CNTN4: variants seen among roughly 807,000 people sequenced by gnomAD.
CNTN4 encodes the protein contactin-4.
A neutral mutation model predicts 122.5 loss-of-function variants in CNTN4; 77 were observed. The observed-to-expected ratio is 0.63, with a 90% CI of 0.52 to 0.76. The LOEUF (loss-of-function observed/expected upper bound fraction) is 0.76. Among genes scored for constraint, CNTN4 ranks in the 30% least tolerant of loss-of-function variants. The pLI is 0.00. For synonymous variants in CNTN4, 512 were observed against 447.0 expected, an observed-to-expected ratio of 1.15 and a Z score of -1.83; for missense variants, 1,256 against 1,259.1, an observed-to-expected ratio of 1.00 and a Z score of 0.04.
chr3:2,709,662 G>A lies in CNTN4; in HGVS notation c.56-26553G>A, dbSNP rs2600293. 7.9e-5 allele frequency among the ~76,000 whole-genome samples: 12 copies of A among 152,060 alleles called. No individual in the cohort carries two copies. Among genetic ancestry groups the A allele is most frequent in the South Asian group, 2.1e-4 (1 of 4,828 alleles). On this transcript the variant is annotated intron_variant, in intron 4 of 24. Coordinates refer to ENST00000418658, the MANE Select transcript of CNTN4 (RefSeq NM_175607.3). The surrounding 1 kb of genome is among the most constrained non-coding windows in gnomAD (Gnocchi z 5.0). ...GGTGCGGTGGCTCTCACCTGTAACC[G>A]CAGCACTTTGGGAGGCTGAGGCAGG...
chr3:2,499,245 A>T (rs2076532233), intron 3 of CNTN4, among the ~76,000 whole-genome samples: 1 of 152,158 alleles, frequency 6.6e-6, no homozygotes. Context: ...GTTGATATTC[A>T]TTTGTCTCTG....
At chr3:2,858,820 CA>C (rs2093643938) in intron 7 of CNTN4, among the ~76,000 whole-genome samples, 1 of 152,086 alleles carries the variant, frequency 6.6e-6, no homozygotes, top group Non-Finnish European at 1.5e-5. Context: ...ATATTTATGG[CA>C]TACAACATTT....
intron 3 of CNTN4, among the ~76,000 whole-genome samples, chr3:2,515,990 A>G (rs2077029388): frequency 6.6e-6 from 1 of 152,122 alleles, no homozygotes; most frequent in South Asian, 2.1e-4. Flanking sequence ...ATTTGATGAC[A>G]GTAATAGCTT....
chr3:2,566,506 G>T lies in CNTN4; in HGVS notation c.-88-4910G>T, dbSNP rs138819343. Among the ~76,000 whole-genome samples the T allele has an allele frequency of 2.0e-4, 30 of 152,302 alleles. No individual in the cohort carries two copies. The East Asian group carries it at 5.6e-3, about 28-fold the overall frequency. ...TCATTTACATACTAGCTGTTGATTG[G>T]CTGCCTGCTCTGGTGGTTCACTATT... is the stretch of plus-strand genomic sequence containing the variant. On this transcript the variant is annotated intron_variant, in intron 3 of 24. Coordinates refer to ENST00000418658, the MANE Select transcript of CNTN4 (RefSeq NM_175607.3).
intron 4 of CNTN4, among the ~76,000 whole-genome samples, chr3:2,579,979 A>G (rs2079862104): frequency 6.6e-6 from 1 of 152,066 alleles, no homozygotes. Context: ...TATCTATACA[A>G]TGGTGTTACA....
chr3:2,752,056 A>G (rs1035640515), intron 6 of CNTN4, among the ~76,000 whole-genome samples: 1 of 152,228 alleles, frequency 6.6e-6, no homozygotes, highest in Non-Finnish European at 1.5e-5. Flanking sequence ...CATTTCCAAC[A>G]TAGGAAAGTT....
chr3:2,121,953 C>G (rs1574874645), intron 2 of CNTN4, among the ~76,000 whole-genome samples: 1 of 151,938 alleles, frequency 6.6e-6, no homozygotes, highest in Admixed American at 6.6e-5. Flanking sequence ...ATCACGAGGT[C>G]AGGAGATCGA....
chr3:2,787,658 A>G (rs890519308), intron 6 of CNTN4, among the ~76,000 whole-genome samples: 1 of 152,166 alleles, frequency 6.6e-6, no homozygotes. Context: ...CAGTCACGTT[A>G]TTTAACTTCT....
chr3:2,791,683 C>G (rs953000455), intron 6 of CNTN4, among the ~76,000 whole-genome samples: 2 of 152,146 alleles, frequency 1.3e-5, no homozygotes, highest in Non-Finnish European at 2.9e-5. Context: ...TGACTTGAAA[C>G]AAAAGAAATG....
chr3:2,214,220 G>A (rs1031680702), intron 2 of CNTN4, among the ~76,000 whole-genome samples: 7 of 152,116 alleles, frequency 4.6e-5, no homozygotes, highest in African/African-American at 1.7e-4. Context: ...ATCTGGTTCA[G>A]TGGTAGCTTA....
At chr3:2,462,154 A>G (rs1247946819) in intron 3 of CNTN4, among the ~76,000 whole-genome samples, 3 of 152,122 alleles carry the variant, frequency 2.0e-5, no homozygotes, top group Admixed American at 1.3e-4. Flanking sequence ...CCACCTTTCT[A>G]TGGTTATAAC....
At chr3:2,896,697 A>G (rs1341631964) in intron 10 of CNTN4, among the ~76,000 whole-genome samples, 1 of 152,196 alleles carries the variant, frequency 6.6e-6, no homozygotes. Context: ...TGTCAATTGC[A>G]TAAGAATCCC....
At chr3:2,517,582 C>T (rs974138215) in intron 3 of CNTN4, among the ~76,000 whole-genome samples, 1 of 152,174 alleles carries the variant, frequency 6.6e-6, no homozygotes, top group Non-Finnish European at 1.5e-5. Flanking sequence ...CCTTTCACTT[C>T]ACTTTTCCTT....
intron 13 of CNTN4, chr3:2,985,567 A>T (rs892649337): frequency 3.9e-5 from 6 of 152,330 alleles, no homozygotes; most frequent in African/African-American, 1.4e-4. Context: ...TTACCACCTC[A>T]CTGGCCATGG....
intron 3 of CNTN4, among the ~76,000 whole-genome samples, chr3:2,482,316 T>G (rs948110519): frequency 1.3e-5 from 2 of 152,138 alleles, no homozygotes; most frequent in African/African-American, 4.8e-5. Context: ...TGTGGAACTT[T>G]GAACTTTAGA....
At chr3:2,254,053 C>G (rs552840617) in intron 2 of CNTN4, among the ~76,000 whole-genome samples, 2 of 149,116 alleles carry the variant, frequency 1.3e-5, no homozygotes, top group Non-Finnish European at 3.0e-5. Flanking sequence ...CCCCACCCCC[C>G]TACAGGCCCC....
intron 14 of CNTN4, among the ~76,000 whole-genome samples, chr3:3,025,670 T>C (rs1384818270): frequency 1.3e-5 from 2 of 152,168 alleles, no homozygotes; most frequent in Admixed American, 6.6e-5. Flanking sequence ...TTATTACTTT[T>C]ACAATAGAAA....
At chr3:3,042,811 G>C (rs1230563773) in intron 21 of CNTN4, 166 bp from the exon 22 acceptor site, 4 of 651,072 alleles carry the variant, frequency 6.1e-6, no homozygotes, top group Non-Finnish European at 1.1e-5. Context: ...TTCTTACTTT[G>C]GATAATTTCT....
intron 3 of CNTN4, among the ~76,000 whole-genome samples, chr3:2,373,851 C>T (rs1342032861): frequency 6.6e-6 from 1 of 152,124 alleles, no homozygotes; most frequent in African/African-American, 2.4e-5. Flanking sequence ...TGAGCCAGTA[C>T]AAAGTAGATG....
Sources: allele counts gnomAD v4.1 joint callset (sites outside exome capture counted in the v4.1 genomes callset), GRCh38; gene constraint gnomAD v4.1.1; non-coding constraint Gnocchi (gnomAD v3.1); transcripts MANE v1.5; gene names NCBI Gene and HGNC (gene_info 2026-07-23, HGNC 2026-07-21).